SLC25A39: variants seen among roughly 807,000 people sequenced by gnomAD.
SLC25A39 encodes the protein solute carrier family 25 member 39, also known as mitochondrial glutathione transporter SLC25A39.
A neutral mutation model predicts 46.6 loss-of-function variants in SLC25A39; 44 were observed. That is an observed-to-expected ratio of 0.94 (90% CI 0.74 to 1.21). SLC25A39 has a LOEUF of 1.21. Ranked by LOEUF, SLC25A39 falls within the 50% of genes most tolerant of loss-of-function variation. The probability of loss-of-function intolerance (pLI) is 0.00; values close to 1 mark genes in which losing one functional copy is unlikely to be tolerated. For synonymous variants in SLC25A39, 218 were observed against 190.6 expected (o/e 1.14, Z -1.19); for missense variants, 487 against 473.0 (o/e 1.03, Z -0.28).
rs1059555 is a variant in SLC25A39 at position 44,324,751 on chromosome 17, T to C, written c.-56A>G. ...TGCTCGTGCGGCGCGGCGCCCAGGG[T>C]CAGGCGGGCCCATACCGGCTCCGCC... On this transcript the variant is annotated 5_prime_UTR_variant, in exon 1 of 12. Transcript: ENST00000377095. 0.55 allele frequency: 83,110 copies of C among 152,026 alleles called. 24,741 individuals carry two copies. The highest frequency in any genetic ancestry group is 0.92 in the East Asian group (4,719 of 5,148). The allele number at this position is 152,026 out of a possible 1,614,324, so 9.4% of individuals were successfully genotyped here.
At position 44,320,509 on chromosome 17, in the gene SLC25A39, G is replaced by A. The variant is rs574065353; in HGVS notation, c.802-73C>T. ...CACCCCTACCTCCCAGATGGCTCTT[G>A]CGGCTGGGAGGGACAAAGGCCTCAT... On this transcript the variant is annotated intron_variant, in intron 9 of 11. Coordinates refer to ENST00000377095, the MANE Select transcript of SLC25A39 (RefSeq NM_001143780.3). 95 of 1,591,822 alleles carry A rather than the reference G, an allele frequency of 6.0e-5. No individual in the cohort carries two copies. In the South Asian group the frequency reaches 7.1e-4, roughly 12 times the overall value.
At position 44,321,228 on chromosome 17, in the gene SLC25A39, C is replaced by A. The variant is rs746200670; in HGVS notation, c.521G>T (p.Gly174Val). Reference sequence around the variant, plus strand: ...CAGGGGGCTGATCACAGTCACGGTGCCCACTGTGTGGGGATTGGGGGTGAC... The same window carrying A: ...CAGGGGGCTGATCACAGTCACGGTGACCACTGTGTGGGGATTGGGGGTGAC... ...PMVAGALARLGTVTVISPLEL... is the reference protein window; with the variant it reads ...PMVAGALARLVTVTVISPLEL... The change falls in exon 8 of 12, where the codon GGC becomes GTC. Residue 174 changes from glycine to valine, a missense_variant. Physicochemically the swap from Gly to Val is moderately radical, Grantham distance 109 (BLOSUM62 -3). Coordinates refer to ENST00000377095, the MANE Select transcript of SLC25A39 (RefSeq NM_001143780.3). 20 of 1,604,660 alleles carry A rather than the reference C, an allele frequency of 1.2e-5. No homozygotes were observed. The Admixed American group carries it at 3.2e-4, about 26-fold the overall frequency.
In SLC25A39 at chr17:44,320,353, A is replaced by G; in HGVS notation, c.883+2T>C. ...CCCTGCCACGGCAATCTGGGCCCTCACCTCTCACAGCCTCCATCGCTCCCA... is the reference window on the plus strand; with the variant it reads ...CCCTGCCACGGCAATCTGGGCCCTCGCCTCTCACAGCCTCCATCGCTCCCA... On this transcript the variant is annotated splice_donor_variant, in intron 10 of 11. Coordinates refer to ENST00000377095, the MANE Select transcript of SLC25A39 (RefSeq NM_001143780.3). LOFTEE classifies it high-confidence loss of function. The G allele has an allele frequency of 6.2e-7, 1 of 1,613,418 alleles. No individual in the cohort carries two copies. The highest frequency in any genetic ancestry group is 1.3e-5 in the African/African-American group (1 of 75,018).
chr17:44,323,429 G>C (rs1479657988), intron 2 of SLC25A39, 49 bp downstream of exon 2: 5 of 1,527,004 alleles, frequency 3.3e-6, no homozygotes, highest in South Asian at 1.2e-5. Context: ...TCCAATCTCC[G>C]GTCTGCCCCA....
In SLC25A39 at chr17:44,320,375, CCCA is replaced by C; in HGVS notation, c.860_862del (p.Leu287_Gly288delinsArg). On this transcript the variant is annotated inframe_deletion, in exon 10 of 12. Transcript: ENST00000377095. ...CTCACCTCTCACAGCCTCCATCGCT[CCCA>C]GAGCGACCTGGCGTTGGGTCTTTAC... is the stretch of plus-strand genomic sequence containing the variant. 6.2e-7 allele frequency: 1 copy of C among 1,613,630 alleles called. No individual in the cohort carries two copies. Among genetic ancestry groups the C allele is most frequent in the Non-Finnish European group, 8.5e-7 (1 of 1,180,030 alleles).
intron 1 of SLC25A39, 94 bp from the exon 2 acceptor site, chr17:44,323,671 C>A: frequency 1.2e-6 from 1 of 843,764 alleles, no homozygotes. Flanking sequence ...CGGCGTCTCG[C>A]TCTGCGCACT....
Position 44,320,084 on chromosome 17 carries a change from A to G in SLC25A39, c.997T>C (p.Ser333Pro). 4 of 1,614,028 alleles carry G rather than the reference A, an allele frequency of 2.5e-6. No individual in the cohort carries two copies. The highest frequency in any genetic ancestry group is 3.4e-6 in the Non-Finnish European group (4 of 1,179,998). The change falls in exon 12 of 12, where the codon TCC becomes CCC. Residue 333 changes from serine (S) to proline (P), a missense_variant. Transcript: ENST00000377095. ...FLPRIIKAAP[S>P]CAIMISTYEF... ...TAGGTGCTGATCATGATGGCACAGG[A>G]GGGGGCAGCCTTGATGATCCGAGGA...
intron 9 of SLC25A39, 42 bp from the exon 10 acceptor site, chr17:44,320,478 G>T (rs1385568922): frequency 1.2e-6 from 2 of 1,607,644 alleles, no homozygotes; most frequent in African/African-American, 1.3e-5. Context: ...CCACTTCCTG[G>T]ACCCCCACCC....
chr17:44,321,403 A>C (rs1256096949), intron 7 of SLC25A39, 31 bp downstream of exon 7: 1 of 1,613,166 alleles, frequency 6.2e-7, no homozygotes, highest in Non-Finnish European at 8.5e-7. Context: ...GTGGGGACAG[A>C]GGGAGGTCAA....
intron 5 of SLC25A39, 105 bp downstream of exon 5, chr17:44,322,314 C>T (rs1038306570): frequency 1.8e-5 from 23 of 1,311,776 alleles, no homozygotes; most frequent in South Asian, 1.6e-4. Flanking sequence ...GAACCGGCTA[C>T]CTCTGCGTGC....
intron 1 of SLC25A39, chr17:44,324,309 A>G (rs1400167092): frequency 6.6e-6 from 1 of 152,556 alleles, no homozygotes; most frequent in Non-Finnish European, 1.5e-5. Context: ...CTGAGAGCCC[A>G]AGTTACTGGG....
At chr17:44,323,645 G>A (rs1380838505) in intron 1 of SLC25A39, 68 bp from the exon 2 acceptor site, 4 of 1,201,826 alleles carry the variant, frequency 3.3e-6, no homozygotes, top group Non-Finnish European at 4.7e-6. Context: ...GCCACTGTGA[G>A]ACTTTTGTTT....
chr17:44,320,753 A>C, intron 8 of SLC25A39, 22 bp from the exon 9 acceptor site: 1 of 1,581,712 alleles, frequency 6.3e-7, no homozygotes, highest in Non-Finnish European at 8.7e-7. Flanking sequence ...GGATGCACTG[A>C]TTAGAGACGG....
chr17:44,323,663 G>A, intron 1 of SLC25A39, 86 bp from the exon 2 acceptor site: 1 of 960,362 alleles, frequency 1.0e-6, no homozygotes, highest in Non-Finnish European at 1.6e-6. Flanking sequence ...TTTTGAGACG[G>A]CGTCTCGCTC....
intron 7 of SLC25A39, 55 bp from the exon 8 acceptor site, chr17:44,321,286 G>C (rs528459715): frequency 1.3e-6 from 2 of 1,580,790 alleles, no homozygotes; most frequent in South Asian, 2.3e-5. Context: ...GGTCTTACAT[G>C]GCATCACCTA....
Position 44,323,288 on chromosome 17 carries a change from G to A in SLC25A39, c.141C>T (p.Ala47=). ...VRLQSQRPSM[A]SELMPSSRLW... The stretch of plus-strand genomic sequence containing the variant: ...AGTTCCAGGTCAGGTACTCACCGCT[G>A]GCCATGGAGGGCCGCTGAGACTGCA... The change falls in exon 3 of 12, where the codon GCC becomes GCT. Residue 47 remains alanine (A), a synonymous_variant. Coordinates refer to ENST00000377095, the MANE Select transcript of SLC25A39 (RefSeq NM_001143780.3). 1.2e-6 allele frequency: 2 copies of A among 1,613,780 alleles called. No homozygotes were observed. Among genetic ancestry groups the A allele is most frequent in the South Asian group, 2.2e-5 (2 of 91,060 alleles).
chr17:44,323,437 CCATCCCCACCCG>C, intron 2 of SLC25A39, 29 bp downstream of exon 2: 4 of 1,257,512 alleles, frequency 3.2e-6, no homozygotes, highest in Non-Finnish European at 4.4e-6. Context: ...CCGGTCTGCC[CCATCCCCACCCG>C]CCCCCACCCC....
Position 44,319,816 on chromosome 17 carries a change from GGAA to G in SLC25A39, c.*182_*184del. 1 of 592,278 alleles carries G rather than the reference GGAA, an allele frequency of 1.7e-6. No homozygotes were observed. The allele number at this position is 592,278 out of a possible 1,614,324, so 36.7% of individuals were successfully genotyped here. A position where few individuals can be genotyped will look rare whatever the true frequency, so the allele number is the denominator to read the frequency against. ...GATGATCCCCACGACTGGAGCAGCA[GGAA>G]GAAGTTGTGTCTGAGGAAGTGCTGG... On this transcript the variant is annotated 3_prime_UTR_variant, in exon 12 of 12. Coordinates refer to ENST00000377095, the MANE Select transcript of SLC25A39 (RefSeq NM_001143780.3).
At chr17:44,320,601 C>A (rs768124989) in intron 9 of SLC25A39, 21 bp downstream of exon 9, 11 of 1,605,958 alleles carry the variant, frequency 6.8e-6, no homozygotes, top group Non-Finnish European at 9.4e-6. Flanking sequence ...GCTGGCCTCA[C>A]CTCCAGCCCA....
Sources: allele counts gnomAD v4.1 joint callset, GRCh38; gene constraint gnomAD v4.1.1; transcripts MANE v1.5; gene names NCBI Gene and HGNC (gene_info 2026-07-23, HGNC 2026-07-21).